Variants in TMEM131 observed in about 807,000 individuals in gnomAD.
TMEM131 encodes the protein 2610524E03Rik.
Under a neutral mutation model 211.6 loss-of-function variants are expected in TMEM131, and 66 were observed. That is an observed-to-expected ratio of 0.31 (90% confidence interval 0.26 to 0.38). The LOEUF (loss-of-function observed/expected upper bound fraction) is 0.38, where lower values mean the gene tolerates loss of function less well. Among genes scored for constraint, TMEM131 ranks in the 10% least tolerant of loss-of-function variants. The pLI is 1.00. For missense variants in TMEM131, 2,036 were observed against 2,299.3 expected (o/e 0.89, Z 2.34); for synonymous variants, 844 against 841.3 (o/e 1.00, Z -0.06).
Position 97,791,599 on chromosome 2 carries a change from C to G in TMEM131, c.4144+787G>C, listed in dbSNP as rs79858938. On this transcript the variant is annotated intron_variant, in intron 31 of 40. Coordinates refer to ENST00000186436, the MANE Select transcript of TMEM131 (RefSeq NM_015348.2). Reference sequence around the variant, plus strand: ...GAAGCAGGTCCACCTTCAGTTGAACCTTAAGATGACATCAGCCTTGGCCAA... The same window carrying G: ...GAAGCAGGTCCACCTTCAGTTGAACGTTAAGATGACATCAGCCTTGGCCAA... 3.4e-3 allele frequency among the ~76,000 whole-genome samples: 520 copies of G among 152,346 alleles called. 8 individuals are homozygous for G. The East Asian group carries it at 0.042, about 12-fold the overall frequency.
chr2:97,868,256 A>G (rs1209455484), intron 4 of TMEM131, among the ~76,000 whole-genome samples: 1 of 152,164 alleles, frequency 6.6e-6, no homozygotes, highest in Non-Finnish European at 1.5e-5. Context: ...TAGTGTTTAC[A>G]TGGTAATATC....
chr2:97,954,921 C>T (rs1027602778), intron 1 of TMEM131, among the ~76,000 whole-genome samples: 10 of 151,148 alleles, frequency 6.6e-5, no homozygotes, highest in Non-Finnish European at 1.5e-5. Flanking sequence ...AGAATTAGGG[C>T]CAATTTTACA....
chr2:97,989,742 T>C (rs767062110), intron 1 of TMEM131, among the ~76,000 whole-genome samples: 7 of 151,646 alleles, frequency 4.6e-5, no homozygotes, highest in African/African-American at 1.2e-4. Flanking sequence ...AACGGCAGAG[T>C]TGTATGCAAC....
At chr2:97,881,931 A>G (rs1168229029) in intron 4 of TMEM131, among the ~76,000 whole-genome samples, 1 of 152,222 alleles carries the variant, frequency 6.6e-6, no homozygotes, top group Non-Finnish European at 1.5e-5. Context: ...GAAAAAACAT[A>G]CAATAACTTT....
At chr2:97,868,685 G>GAAC (rs373420624) in intron 4 of TMEM131, among the ~76,000 whole-genome samples, 6 of 152,016 alleles carry the variant, frequency 3.9e-5, no homozygotes, top group East Asian at 1.9e-4. Context: ...TAACAGTTCA[G>GAAC]AACAACAACA....
At chr2:97,840,638 A>G (rs1226813928) in intron 7 of TMEM131, among the ~76,000 whole-genome samples, 2 of 152,240 alleles carry the variant, frequency 1.3e-5, no homozygotes, top group Non-Finnish European at 2.9e-5. Flanking sequence ...GTTTCTACAT[A>G]GATTTGTAAT....
chr2:97,854,803 T>C (rs1673770925), intron 5 of TMEM131, among the ~76,000 whole-genome samples: 1 of 152,158 alleles, frequency 6.6e-6, no homozygotes, highest in Admixed American at 6.5e-5. Context: ...TAGAATGCTC[T>C]TCTTCCATAT....
At chr2:97,983,180 GT>G (rs1342445331) in intron 1 of TMEM131, among the ~76,000 whole-genome samples, 1 of 151,930 alleles carries the variant, frequency 6.6e-6, no homozygotes, top group Non-Finnish European at 1.5e-5. Flanking sequence ...AATTACTTTT[GT>G]TTTTTGTTAT....
chr2:97,835,005 C>A (rs1338106825), intron 8 of TMEM131, 80 bp from the exon 9 acceptor site: 5 of 1,483,170 alleles, frequency 3.4e-6, no homozygotes, highest in Non-Finnish European at 4.6e-6. Flanking sequence ...CTGGATGACA[C>A]TGACTGAAAG....
rs1390502639 is a variant in TMEM131 at position 97,756,822 on chromosome 2, G to C, written c.*277C>G. 5 of 277,394 alleles carry C rather than the reference G, an allele frequency of 1.8e-5. No individual in the cohort carries two copies. The highest frequency in any genetic ancestry group is 3.3e-5 in the Non-Finnish European group (5 of 150,320). 17.2% of individuals were successfully genotyped at this position (277,394 alleles called of 1,614,324 possible). On this transcript the variant is annotated 3_prime_UTR_variant, in exon 41 of 41. Coordinates refer to ENST00000186436, the MANE Select transcript of TMEM131 (RefSeq NM_015348.2). Reference sequence around the variant, plus strand: ...GGGGAAGACAGGTGGTGAAAACGCAGTAACGGGAAAGGTTCTCAGATGTAC... The same window carrying C: ...GGGGAAGACAGGTGGTGAAAACGCACTAACGGGAAAGGTTCTCAGATGTAC...
Position 97,765,833 on chromosome 2 carries a change from T to G in TMEM131, c.4723+281A>C, listed in dbSNP as rs921859022. 2.6e-5 allele frequency among the ~76,000 whole-genome samples: 4 copies of G among 152,294 alleles called. No individual in the cohort carries two copies. In the East Asian group the frequency reaches 7.7e-4, roughly 29 times the overall value. On this transcript the variant is annotated intron_variant, in intron 35 of 40. Transcript: ENST00000186436. ...CCACTCCAAACAGACCATTCCATTT[T>G]GCACATTGGGCAGTGGTGTGCTAGT...
intron 2 of TMEM131, among the ~76,000 whole-genome samples, chr2:97,925,253 CTT>C (rs1337813507): frequency 1.3e-5 from 2 of 152,244 alleles, no homozygotes; most frequent in East Asian, 3.9e-4. Context: ...ATGAAAGAAT[CTT>C]TTGTTATTCC....
At chr2:97,773,137 C>G (rs978502136) in intron 32 of TMEM131, among the ~76,000 whole-genome samples, 4 of 152,294 alleles carry the variant, frequency 2.6e-5, no homozygotes, top group African/African-American at 9.6e-5. Flanking sequence ...GCACAACTCT[C>G]AGGACAAGAG....
At chr2:97,854,228 A>G (rs1275515950) in intron 5 of TMEM131, among the ~76,000 whole-genome samples, 1 of 152,238 alleles carries the variant, frequency 6.6e-6, no homozygotes, top group Non-Finnish European at 1.5e-5. Flanking sequence ...CAGAAGGCTG[A>G]CATGATCATC....
chr2:97,931,114 A>C (rs557039747), intron 1 of TMEM131, among the ~76,000 whole-genome samples: 1 of 151,982 alleles, frequency 6.6e-6, no homozygotes, highest in South Asian at 2.1e-4. Flanking sequence ...ACCTTTTAGC[A>C]ACCAAATTTT....
rs542778272 is a variant in TMEM131 at position 97,939,476 on chromosome 2, A to C, written c.188-11989T>G. ...TACTCCCTCCCAAGACTAAACCAGA[A>C]AGAAGTTGAATCCCTGAATAGACCA... On this transcript the variant is annotated intron_variant, in intron 1 of 40. Coordinates refer to ENST00000186436, the MANE Select transcript of TMEM131 (RefSeq NM_015348.2). 4.6e-5 allele frequency among the ~76,000 whole-genome samples: 7 copies of C among 152,356 alleles called. No individual in the cohort carries two copies. In the South Asian group the frequency reaches 1.2e-3, roughly 27 times the overall value.
Position 97,794,961 on chromosome 2 carries a change from C to T in TMEM131, c.3355G>A (p.Ala1119Thr), listed in dbSNP as rs766187281. The T allele has an allele frequency of 2.9e-5, 46 of 1,602,924 alleles. No individual in the cohort carries two copies. Among genetic ancestry groups the T allele is most frequent in the Non-Finnish European group, 3.6e-5 (42 of 1,174,152 alleles). The change falls in exon 29 of 41, where the codon GCT becomes ACT. Residue 1119 changes from alanine to threonine, a missense_variant. Coordinates refer to ENST00000186436, the MANE Select transcript of TMEM131 (RefSeq NM_015348.2). ...ATTCCTGAGATGATGATATACAGAG[C>T]CAGTTCCCAGTTAGGTCTGGGTAGG... Reference protein sequence around the residue: ...EALPRPNWELALYIIISGIMS... With the variant: ...EALPRPNWELTLYIIISGIMS...
chr2:97,827,115 G>T (rs1682430213), intron 11 of TMEM131: 4 of 478,496 alleles, frequency 8.4e-6, no homozygotes, highest in South Asian at 7.4e-5. Context: ...AACTTACAAG[G>T]TTTTCAACAA....
At chr2:97,815,351 C>G in intron 12 of TMEM131, 44 bp from the exon 13 acceptor site, 1 of 1,212,642 alleles carries the variant, frequency 8.2e-7, no homozygotes, top group Non-Finnish European at 1.1e-6. Context: ...CTTTTACTAC[C>G]AAAGAGAATT....
Sources: allele counts gnomAD v4.1 joint callset (sites outside exome capture counted in the v4.1 genomes callset), GRCh38; gene constraint gnomAD v4.1.1; transcripts MANE v1.5; gene names NCBI Gene and HGNC (gene_info 2026-07-23, HGNC 2026-07-21).